The following TBC1D28 variants were observed in gnomAD, a reference collection of about 807,000 sequenced individuals.
TBC1D28 encodes the protein TBC1 domain family, member 28.
A neutral mutation model predicts 29.2 loss-of-function variants in TBC1D28; 20 were observed. The observed-to-expected ratio is 0.68, with a 90% CI of 0.48 to 0.99. The LOEUF is 0.99. Ranked by LOEUF, TBC1D28 falls within the 50% of genes least tolerant of loss-of-function variation. The pLI is 0.00. For synonymous variants in TBC1D28, 65 were observed against 90.9 expected, an observed-to-expected ratio of 0.71 and a Z score of 1.62; for missense variants, 205 against 243.7, an observed-to-expected ratio of 0.84 and a Z score of 1.06.
At chr17:18,640,460 C>T (rs931182353) in intron 4 of TBC1D28, among the ~76,000 whole-genome samples, 10 of 151,374 alleles carry the variant, frequency 6.6e-5, no homozygotes, top group Admixed American at 3.9e-4. Context: ...GCACCACTCC[C>T]GGGGCCTTCA....
chr17:18,636,363 T>C, exon 9 of TBC1D28: 1 of 1,537,194 alleles, frequency 6.5e-7, no homozygotes, highest in East Asian at 2.3e-5. Flanking sequence ...ATGTGGTGAT[T>C]GGGTCCATGT....
intron 8 of TBC1D28, 26 bp downstream of exon 9, chr17:18,637,838 A>T: frequency 6.2e-7 from 1 of 1,613,180 alleles, no homozygotes; most frequent in Non-Finnish European, 8.5e-7. Context: ...CTTCTCTGGG[A>T]CCCCTGCAAG....
At chr17:18,638,057 G>A (rs886625290) in intron 7 of TBC1D28, 84 bp from the exon 9 acceptor site, 7 of 1,545,518 alleles carry the variant, frequency 4.5e-6, no homozygotes, top group Non-Finnish European at 5.4e-6. Flanking sequence ...CCCACAGTCA[G>A]CACTTCTGGA....
exon 9 of TBC1D28, chr17:18,635,448 G>C (rs559570679): frequency 1.5e-6 from 1 of 677,764 alleles, no homozygotes; most frequent in East Asian, 1.4e-4. Flanking sequence ...CCCAACACCC[G>C]CAGGGCTGAC....
At chr17:18,638,139 C>T (rs2031588695) in intron 7 of TBC1D28, 166 bp from the exon 9 acceptor site, 1 of 1,325,672 alleles carries the variant, frequency 7.5e-7, no homozygotes, top group African/African-American at 1.5e-5. Context: ...CAGGGAGGGT[C>T]AGCAGAGCCC....
downstream of TBC1D28, among the ~76,000 whole-genome samples, chr17:18,634,828 C>T (rs2031406505): frequency 1.4e-5 from 2 of 137,950 alleles, no homozygotes; most frequent in African/African-American, 2.5e-5. Flanking sequence ...CTCAGCCCCT[C>T]AGCCCCTCAG....
chr17:18,637,311 C>T (rs1392067551), intron 8 of TBC1D28, among the ~76,000 whole-genome samples: 2 of 90,630 alleles, frequency 2.2e-5, no homozygotes, highest in Non-Finnish European at 4.0e-5. Flanking sequence ...ACGTCACATG[C>T]GGGTTTTACT....
In TBC1D28 at chr17:18,638,454, C is replaced by T. The variant is rs547359068; in HGVS notation, c.280-34G>A. On this transcript the variant is annotated intron_variant, in intron 6 of 8. Transcript: ENST00000345096. ...AGAAGAACACTCCAGTGAGAAAGGA[C>T]ATGGGGCAACCCCGCAGAGGAAAGC... 5.8e-5 allele frequency: 93 copies of T among 1,612,532 alleles called. 1 individual carries two copies. The South Asian group carries it at 9.6e-4, about 17-fold the overall frequency.
upstream of TBC1D28, among the ~76,000 whole-genome samples, chr17:18,643,642 C>G (rs1313504906): frequency 1.3e-5 from 2 of 151,364 alleles, no homozygotes; most frequent in African/African-American, 4.9e-5. Context: ...TCCTCGCTGA[C>G]CAGTCCCCCA....
chr17:18,635,874 A>C lies in TBC1D28; in HGVS notation c.*588T>G, dbSNP rs977620004. ...GTGGGTGAAGGCAAGTGTTTGTCCC[A>C]GGAGAGGCCCAGGATGGTTGCTCCC... On this transcript the variant is annotated 3_prime_UTR_variant, in exon 9 of 9. Transcript: ENST00000345096. 1.1e-5 allele frequency: 11 copies of C among 992,374 alleles called. No individual in the cohort carries two copies. In the African/African-American group the frequency reaches 1.7e-4, roughly 16 times the overall value. The allele number at this position is 992,374 out of a possible 1,614,324, so 61.5% of individuals were successfully genotyped here.
exon 1 of TBC1D28, chr17:18,642,099 A>C (rs2031797312): frequency 6.5e-6 from 1 of 154,390 alleles, no homozygotes; most frequent in African/African-American, 2.4e-5. Context: ...AACGGAAGGC[A>C]AGGCCTCTAG....
chr17:18,638,516 G>A, intron 6 of TBC1D28, 96 bp from the exon 8 acceptor site: 1 of 1,498,214 alleles, frequency 6.7e-7, no homozygotes, highest in African/African-American at 1.6e-5. Context: ...CAAGGATGGG[G>A]TACCACCCAC....
exon 7 of TBC1D28, chr17:18,638,381 G>A (rs755301094): frequency 3.7e-6 from 6 of 1,614,040 alleles, no homozygotes; most frequent in Non-Finnish European, 5.1e-6. Context: ...GCCCGGCCCC[G>A]CACCGCCAGG....
rs1372113214 is a variant in TBC1D28 at position 18,642,171 on chromosome 17, A to T, written c.-447T>A. On this transcript the variant is annotated 5_prime_UTR_variant, in exon 1 of 9. Transcript: ENST00000345096. Reference sequence around the variant, plus strand: ...TTCCAGTCCCCAAGCCTCTTTGACCAGGAGAGACGATTGTCACCCTCCAGG... The same window carrying T: ...TTCCAGTCCCCAAGCCTCTTTGACCTGGAGAGACGATTGTCACCCTCCAGG... The T allele has an allele frequency of 4.0e-3, 599 of 151,408 alleles. 1 individual carries two copies. The highest frequency in any genetic ancestry group is 0.014 in the African/African-American group (581 of 41,382). The allele number at this position is 151,408 out of a possible 1,614,324, so 9.4% of individuals were successfully genotyped here. A position where few individuals can be genotyped will look rare whatever the true frequency, so the allele number is the denominator to read the frequency against.
intron 7 of TBC1D28, 161 bp downstream of exon 8, chr17:18,638,152 C>T: frequency 2.3e-6 from 3 of 1,297,932 alleles, no homozygotes; most frequent in South Asian, 1.4e-5. Context: ...CAGAGCCCAG[C>T]GCACCTGTGG....
At chr17:18,642,488 TC>T (rs1196182669), upstream of TBC1D28, 1 of 151,724 alleles carries the variant, frequency 6.6e-6, no homozygotes, top group East Asian at 1.9e-4. Flanking sequence ...CGGTCAAAGC[TC>T]AAGTCCAGCA....
chr17:18,634,788 CGCCCCTCAGCCCCTCA>C (rs1168730171), downstream of TBC1D28, among the ~76,000 whole-genome samples: 2 of 150,162 alleles, frequency 1.3e-5, no homozygotes, highest in African/African-American at 4.9e-5. Flanking sequence ...CCAGGCTGCC[CGCCCCTCAGCCCCTCA>C]GCCCCTCAGC....
chr17:18,638,051 C>T (rs1322220972), intron 7 of TBC1D28, 78 bp from the exon 9 acceptor site: 4 of 1,542,518 alleles, frequency 2.6e-6, no homozygotes, highest in East Asian at 2.3e-5. Flanking sequence ...AGTCATCCCA[C>T]AGTCAGCACT....
exon 9 of TBC1D28, chr17:18,636,577 A>G (rs1480171218): frequency 1.9e-6 from 3 of 1,613,258 alleles, no homozygotes; most frequent in Non-Finnish European, 2.5e-6. Flanking sequence ...GGCCACGAGG[A>G]TGTCACATAA....
Sources: gnomAD v4.1 joint callset for allele counts (sites outside exome capture counted in the v4.1 genomes callset) on GRCh38, gnomAD v4.1.1 for gene constraint, MANE v1.5 for transcripts, NCBI Gene and HGNC (gene_info 2026-07-23, HGNC 2026-07-21) for gene names.